The following EPHB1 variants were observed in gnomAD, a reference collection of about 807,000 sequenced individuals.
EPHB1 encodes EPH receptor B1, also known as ephrin type-B receptor 1.
A neutral mutation model predicts 94.4 loss-of-function variants in EPHB1; 30 were observed. The ratio of observed to expected loss-of-function variants is 0.32; its 90% CI spans 0.24 to 0.43. The LOEUF is 0.43. Among genes scored for constraint, EPHB1 ranks in the 20% least tolerant of loss-of-function variants. The pLI is 1.00. For missense variants in EPHB1, 1,055 were observed against 1,308.3 expected (o/e 0.81, Z 2.99); for synonymous variants, 522 against 489.1 (o/e 1.07, Z -0.89).
At chr3:134,999,239 G>A (rs1935095992) in intron 3 of EPHB1, among the ~76,000 whole-genome samples, 1 of 152,180 alleles carries the variant, frequency 6.6e-6, no homozygotes, top group Non-Finnish European at 1.5e-5. Context: ...GAGAGCTTGA[G>A]AGAAAATCAG....
intron 1 of EPHB1, among the ~76,000 whole-genome samples, chr3:134,923,890 G>GA (rs1405463173): frequency 2.6e-5 from 4 of 152,022 alleles, no homozygotes; most frequent in Admixed American, 2.6e-4. Context: ...GACAAGGGGA[G>GA]AAAAAAACCC....
intron 1 of EPHB1, among the ~76,000 whole-genome samples, chr3:134,922,907 G>GGCCCCT (rs2038716869): frequency 6.6e-6 from 1 of 152,240 alleles, no homozygotes; most frequent in Non-Finnish European, 1.5e-5. Flanking sequence ...TCCGCCACAA[G>GGCCCCT]GATTCAGTTG....
rs201114707 is a variant in EPHB1 at position 135,175,167 on chromosome 3, C to T, written c.1760-4693C>T. 1.9e-4 allele frequency among the ~76,000 whole-genome samples: 29 copies of T among 152,316 alleles called. No homozygotes were observed. The East Asian group carries it at 5.2e-3, about 27-fold the overall frequency. The stretch of plus-strand genomic sequence containing the variant: ...CTTCTGCTCTTCCCTGAGACCCTGG[C>T]TCTTATAAAGGGTCTCCCCGACTTT... On this transcript the variant is annotated intron_variant, in intron 9 of 15. Transcript: ENST00000398015.
intron 1 of EPHB1, among the ~76,000 whole-genome samples, chr3:134,804,887 T>G (rs953639925): frequency 6.6e-6 from 1 of 152,176 alleles, no homozygotes; most frequent in Non-Finnish European, 1.5e-5. Context: ...CCAGTCACCC[T>G]TGGAGCCGTG....
intron 3 of EPHB1, among the ~76,000 whole-genome samples, chr3:135,001,285 A>G (rs1935163566): frequency 6.6e-6 from 1 of 152,156 alleles, no homozygotes; most frequent in African/African-American, 2.4e-5. Flanking sequence ...ATTGGAATCA[A>G]GAGGCTACAA....
At chr3:134,808,060 G>T in intron 1 of EPHB1, among the ~76,000 whole-genome samples, 1 of 152,192 alleles carries the variant, frequency 6.6e-6, no homozygotes, top group Admixed American at 6.5e-5. Context: ...GAGGTCAGAG[G>T]CATAGAAAAT....
At chr3:135,146,759 T>C (rs976305098) in intron 5 of EPHB1, among the ~76,000 whole-genome samples, 1 of 152,200 alleles carries the variant, frequency 6.6e-6, no homozygotes, top group African/African-American at 2.4e-5. Context: ...CTCAAAGATA[T>C]TTATCAGATA....
chr3:134,861,237 A>G (rs1370697559), intron 1 of EPHB1, among the ~76,000 whole-genome samples: 2 of 152,206 alleles, frequency 1.3e-5, no homozygotes, highest in Non-Finnish European at 2.9e-5. Flanking sequence ...TCAAGTAGAA[A>G]GAAGATAATG....
Position 134,951,845 on chromosome 3 carries a change from G to A in EPHB1, c.598G>A (p.Val200Met), listed in dbSNP as rs775951525. Residue 200 changes from valine to methionine, a missense_variant, in exon 3 of 16, where the codon GTG becomes ATG. By Grantham distance (21) the Val-to-Met change is conservative (BLOSUM62 1). Coordinates refer to ENST00000398015, the MANE Select transcript of EPHB1 (RefSeq NM_004441.5). This position sits in a 1 kb window ranked among gnomAD's most constrained non-coding sequence, Gnocchi z 4.5. Reference protein sequence around the residue: ...RVFFKKCPSIVQNFAVFPETM... With the variant: ...RVFFKKCPSIMQNFAVFPETM... ...CTTCTTCAAAAAGTGTCCCAGCATT[G>A]TGCAAAATTTTGCAGTGTTTCCAGA... The A allele has an allele frequency of 2.5e-6, 4 of 1,614,016 alleles. No homozygotes were observed. The highest frequency in any genetic ancestry group is 1.7e-5 in the Admixed American group (1 of 60,024).
At position 134,972,242 on chromosome 3, in the gene EPHB1, C is replaced by T. The variant is rs190267090; in HGVS notation, c.805+20190C>T. 2.4e-3 allele frequency among the ~76,000 whole-genome samples: 361 copies of T among 151,862 alleles called. 2 individuals are homozygous for T. Among genetic ancestry groups the T allele is most frequent in the East Asian group, 0.012 (63 of 5,172 alleles). ...CCCTTCTTTTCCTTCTCCTTCAGAGCATCCTTGCTATGAGTCAATGCTGCA... is the reference window on the plus strand; with the variant it reads ...CCCTTCTTTTCCTTCTCCTTCAGAGTATCCTTGCTATGAGTCAATGCTGCA... On this transcript the variant is annotated intron_variant, in intron 3 of 15. Transcript: ENST00000398015.
At chr3:135,136,504 T>C (rs1412416998) in intron 5 of EPHB1, among the ~76,000 whole-genome samples, 2 of 152,174 alleles carry the variant, frequency 1.3e-5, no homozygotes, top group African/African-American at 4.8e-5. Flanking sequence ...TCTGTTCTTT[T>C]TACAGAGAAG....
intron 3 of EPHB1, among the ~76,000 whole-genome samples, chr3:135,090,896 T>C (rs1938527348): frequency 6.6e-6 from 1 of 152,264 alleles, no homozygotes; most frequent in Non-Finnish European, 1.5e-5. Context: ...TAGATTTATG[T>C]GTTTATGACT....
intron 2 of EPHB1, among the ~76,000 whole-genome samples, chr3:134,940,318 G>A (rs888607798): frequency 1.3e-5 from 2 of 152,208 alleles, no homozygotes; most frequent in African/African-American, 4.8e-5. Flanking sequence ...CACAGCACTA[G>A]ATGAGCTCCT....
intron 13 of EPHB1, among the ~76,000 whole-genome samples, chr3:135,242,868 A>G (rs1168144442): frequency 1.3e-5 from 2 of 152,112 alleles, no homozygotes; most frequent in Admixed American, 6.5e-5. Flanking sequence ...GCTTGAGACC[A>G]GGACTTTGAG....
At chr3:135,025,199 ATATT>A (rs1205551708) in intron 3 of EPHB1, among the ~76,000 whole-genome samples, 11 of 114,482 alleles carry the variant, frequency 9.6e-5, no homozygotes, top group Middle Eastern at 4.5e-3. Context: ...GTTACAAAGA[ATATT>A]TATTTATTTA....
At position 134,909,107 on chromosome 3, in the gene EPHB1, G is replaced by A. The variant is rs115599205; in HGVS notation, c.59-16709G>A. 7.9e-3 allele frequency among the ~76,000 whole-genome samples: 938 copies of A among 118,504 alleles called. 7 individuals are homozygous for A. Among genetic ancestry groups the A allele is most frequent in the Admixed American group, 0.013 (128 of 9,940 alleles). 77.7% of individuals were successfully genotyped at this position (118,504 alleles called of 152,430 possible). A position where few individuals can be genotyped will look rare whatever the true frequency, so the allele number is the denominator to read the frequency against. The stretch of plus-strand genomic sequence containing the variant: ...GCCCATCAGAGAACAGTACACACAA[G>A]GTGGGGGCGGGGGGCGGGCTGGAAG... On this transcript the variant is annotated intron_variant, in intron 1 of 15. Transcript: ENST00000398015.
At chr3:135,170,608 A>C (rs1418473933) in intron 9 of EPHB1, among the ~76,000 whole-genome samples, 1 of 151,936 alleles carries the variant, frequency 6.6e-6, no homozygotes, top group East Asian at 1.9e-4. Context: ...GCTGACTAAC[A>C]GTTGCCTGGA....
intron 1 of EPHB1, among the ~76,000 whole-genome samples, chr3:134,901,804 G>A (rs529908078): frequency 6.6e-6 from 1 of 152,356 alleles, no homozygotes; most frequent in South Asian, 2.1e-4. Context: ...GAGCAAAGCT[G>A]TAGAAATGTG....
At chr3:135,120,078 A>C (rs1251116146) in intron 4 of EPHB1, among the ~76,000 whole-genome samples, 2 of 152,242 alleles carry the variant, frequency 1.3e-5, no homozygotes, top group Admixed American at 6.5e-5. Context: ...CATTCTCAAA[A>C]ATAGCTATCC....
Sources: gnomAD v4.1 joint callset for allele counts (sites outside exome capture counted in the v4.1 genomes callset) on GRCh38, gnomAD v4.1.1 for gene constraint, Gnocchi (gnomAD v3.1) non-coding constraint, MANE v1.5 for transcripts, NCBI Gene and HGNC (gene_info 2026-07-23, HGNC 2026-07-21) for gene names.